KCNU1: variants seen among roughly 807,000 people sequenced by gnomAD.
KCNU1 encodes the protein potassium channel subfamily U member 1.
A neutral mutation model predicts 126.8 loss-of-function variants in KCNU1; 93 were observed. The observed-to-expected ratio is 0.73, with a 90% CI of 0.62 to 0.87. The LOEUF (loss-of-function observed/expected upper bound fraction) is 0.87. Ranked by LOEUF, KCNU1 falls within the 40% of genes least tolerant of loss-of-function variation. The probability of loss-of-function intolerance (pLI) is 0.00; values close to 1 mark genes in which losing one functional copy is unlikely to be tolerated. For synonymous variants in KCNU1, 523 were observed against 494.2 expected, an observed-to-expected ratio of 1.06 and a Z score of -0.77; for missense variants, 1,330 against 1,367.1, an observed-to-expected ratio of 0.97 and a Z score of 0.43.
chr8:36,908,849 T>C (rs545570296), intron 20 of KCNU1, among the ~76,000 whole-genome samples: 36 of 152,108 alleles, frequency 2.4e-4, no homozygotes, highest in Non-Finnish European at 4.9e-4. Context: ...ACCCACTTAA[T>C]ACTGCAATAT....
chr8:36,912,619 T>C (rs1228310802), intron 22 of KCNU1, among the ~76,000 whole-genome samples: 1 of 152,174 alleles, frequency 6.6e-6, no homozygotes, highest in Non-Finnish European at 1.5e-5. Flanking sequence ...TGTGTGTGTG[T>C]GTGTGCATGT....
chr8:36,856,681 C>T (rs1563298212), intron 18 of KCNU1, among the ~76,000 whole-genome samples: 1 of 152,156 alleles, frequency 6.6e-6, no homozygotes, highest in Non-Finnish European at 1.5e-5. Flanking sequence ...CACTAGCAGG[C>T]TGCCTATTAT....
At chr8:36,927,682 G>T (rs1279907665) in intron 24 of KCNU1, among the ~76,000 whole-genome samples, 9 of 152,098 alleles carry the variant, frequency 5.9e-5, no homozygotes. Context: ...TAGGATGTTA[G>T]CATCTATACC....
intron 26 of KCNU1, among the ~76,000 whole-genome samples, chr8:36,934,432 T>A (rs900685944): frequency 1.4e-5 from 2 of 148,044 alleles, no homozygotes; most frequent in African/African-American, 5.0e-5. Flanking sequence ...GGGGGAGGAG[T>A]GATGTTCTGG....
In KCNU1 at chr8:36,907,193, G is replaced by T. The variant is rs540204721; in HGVS notation, c.2106+1389G>T. On this transcript the variant is annotated intron_variant, in intron 20 of 26. Transcript: ENST00000399881. ...AAATATCTGGATTGCAAAATTCGGG[G>T]TATCTTTAAACTTGGTTTCATTTGC... Among the ~76,000 whole-genome samples the T allele has an allele frequency of 8.5e-5, 13 of 152,236 alleles. No individual in the cohort carries two copies. In the South Asian group the frequency reaches 1.5e-3, roughly 17 times the overall value.
intron 15 of KCNU1, 145 bp from the exon 16 acceptor site, chr8:36,840,787 G>T: frequency 1.0e-5 from 7 of 698,204 alleles, no homozygotes; most frequent in Non-Finnish European, 1.8e-5. Flanking sequence ...ACTTTAGGTG[G>T]ATTCACTTAC....
rs138882220 is a variant in KCNU1 at position 36,847,660 on chromosome 8, A to G, written c.1891+1761A>G. 4.4e-3 allele frequency among the ~76,000 whole-genome samples: 670 copies of G among 152,278 alleles called. 6 individuals carry two copies. The highest frequency in any genetic ancestry group is 0.014 in the Middle Eastern group (4 of 294). ...TAATGACAGGATTTCATCCTTTTTA[A>G]TGACTGCATAGTATTTCATTGTTTA... is the stretch of plus-strand genomic sequence containing the variant. On this transcript the variant is annotated intron_variant, in intron 18 of 26. Coordinates refer to ENST00000399881, the MANE Select transcript of KCNU1 (RefSeq NM_001031836.3).
At chr8:36,807,561 A>T in intron 6 of KCNU1, 111 bp downstream of exon 6, 1 of 802,858 alleles carries the variant, frequency 1.2e-6, no homozygotes, top group Non-Finnish European at 2.1e-6. Context: ...CAGTGCAAAG[A>T]TCATGAAATC....
intron 12 of KCNU1, 63 bp from the exon 13 acceptor site, chr8:36,836,233 A>T: frequency 9.7e-7 from 1 of 1,034,262 alleles, no homozygotes; most frequent in South Asian, 1.4e-5. Flanking sequence ...TCTGAATTAA[A>T]TTATATTACA....
In KCNU1 at chr8:36,817,710, C is replaced by G; in HGVS notation, c.1056C>G (p.Phe352Leu). Residue 352 changes from phenylalanine (F) to leucine (L), a missense_variant, in exon 10 of 27, where the codon TTC (phenylalanine) becomes TTG (leucine). Transcript: ENST00000399881. ...VDSVTAFLRN[F>L]LRDKSGEINT... is the part of the protein sequence containing the mutation. ...GTGTGACCGCTTTCCTGAGGAATTTCCTCCGCGACAAGTCAGGAGAGATCA... is the reference window on the plus strand; with the variant it reads ...GTGTGACCGCTTTCCTGAGGAATTTGCTCCGCGACAAGTCAGGAGAGATCA... 1 of 1,609,446 alleles carries G rather than the reference C, an allele frequency of 6.2e-7. No homozygotes were observed. Among genetic ancestry groups the G allele is most frequent in the Non-Finnish European group, 8.5e-7 (1 of 1,177,686 alleles).
intron 18 of KCNU1, among the ~76,000 whole-genome samples, chr8:36,862,185 G>A (rs543172744): frequency 5.9e-4 from 89 of 151,972 alleles, no homozygotes; most frequent in Admixed American, 9.8e-4. Flanking sequence ...AGGTAGGTAG[G>A]TAGATAGATA....
intron 22 of KCNU1, among the ~76,000 whole-genome samples, chr8:36,918,060 C>T (rs1808187095): frequency 6.6e-6 from 1 of 152,154 alleles, no homozygotes; most frequent in South Asian, 2.1e-4. Context: ...GGGGACAGCA[C>T]CACCCATATA....
At chr8:36,850,449 G>A (rs1215544695) in intron 18 of KCNU1, among the ~76,000 whole-genome samples, 2 of 146,522 alleles carry the variant, frequency 1.4e-5, no homozygotes, top group East Asian at 2.0e-4. Flanking sequence ...TTACAAAATC[G>A]GTGATCTTTT....
chr8:36,789,565 T>C (rs528639121), intron 2 of KCNU1, among the ~76,000 whole-genome samples: 10 of 152,272 alleles, frequency 6.6e-5, no homozygotes, highest in African/African-American at 2.4e-4. Flanking sequence ...AGTGGAAAGT[T>C]CAAGCAAGAG....
chr8:36,904,913 T>A (rs1807563510), intron 19 of KCNU1, among the ~76,000 whole-genome samples: 1 of 152,066 alleles, frequency 6.6e-6, no homozygotes, highest in Non-Finnish European at 1.5e-5. Flanking sequence ...GATGTTGAGG[T>A]TGTTTCTGCA....
At chr8:36,822,244 A>G (rs1804157573) in intron 10 of KCNU1, among the ~76,000 whole-genome samples, 2 of 152,134 alleles carry the variant, frequency 1.3e-5, no homozygotes, top group South Asian at 4.1e-4. Flanking sequence ...GTATGTATAT[A>G]TGTATCAAAC....
chr8:36,900,576 T>C (rs1248836845), intron 19 of KCNU1, among the ~76,000 whole-genome samples: 1 of 151,732 alleles, frequency 6.6e-6, no homozygotes, highest in East Asian at 1.9e-4. Context: ...TTTTAGGTGA[T>C]TTTTTTTCCC....
intron 18 of KCNU1, among the ~76,000 whole-genome samples, chr8:36,854,296 C>A (rs1339651399): frequency 2.6e-5 from 4 of 152,034 alleles, no homozygotes; most frequent in African/African-American, 9.7e-5. Flanking sequence ...CATTATTTCT[C>A]AAATATTCAC....
intron 24 of KCNU1, chr8:36,929,017 A>T: frequency 1.4e-6 from 1 of 700,086 alleles, no homozygotes; most frequent in Non-Finnish European, 2.6e-6. Context: ...AGTATATTTT[A>T]CTTAATCCTG....
Sources: allele counts gnomAD v4.1 joint callset (sites outside exome capture counted in the v4.1 genomes callset), GRCh38; gene constraint gnomAD v4.1.1; transcripts MANE v1.5; gene names NCBI Gene and HGNC (gene_info 2026-07-23, HGNC 2026-07-21).